CYP19A1: variants seen among roughly 807,000 people sequenced by gnomAD.
CYP19A1 encodes cytochrome P450 family 19 subfamily A member 1, also known as aromatase.
Under a neutral mutation model 44.4 loss-of-function variants are expected in CYP19A1, and 32 were observed. That is an observed-to-expected ratio of 0.72 (90% CI 0.54 to 0.97). CYP19A1 has a LOEUF of 0.97. CYP19A1 is among the 50% of genes least tolerant of loss of function. CYP19A1 has a pLI of 0.00. For missense variants in CYP19A1, 598 were observed against 637.8 expected (o/e 0.94, Z 0.67); for synonymous variants, 212 against 215.6 (o/e 0.98, Z 0.14).
intron 9 of CYP19A1, among the ~76,000 whole-genome samples, chr15:51,211,957 A>T (rs1387390257): frequency 1.3e-5 from 2 of 152,142 alleles, no homozygotes; most frequent in African/African-American, 4.8e-5. Context: ...CTTTGCTCAG[A>T]TGGTGCTATA....
At chr15:51,331,718 C>T (rs2036704761) in intron 1 of CYP19A1, among the ~76,000 whole-genome samples, 1 of 152,158 alleles carries the variant, frequency 6.6e-6, no homozygotes, top group South Asian at 2.1e-4. Context: ...TTAACACATA[C>T]TGGTTAGTGA....
At chr15:51,289,552 T>C (rs766784599) in intron 1 of CYP19A1, among the ~76,000 whole-genome samples, 51 of 152,148 alleles carry the variant, frequency 3.4e-4, no homozygotes, top group African/African-American at 1.1e-3. Flanking sequence ...GCTGGGTCCT[T>C]TGGGGCCTTC....
At chr15:51,299,139 A>T (rs2036061165) in intron 1 of CYP19A1, among the ~76,000 whole-genome samples, 1 of 152,152 alleles carries the variant, frequency 6.6e-6, no homozygotes, top group Non-Finnish European at 1.5e-5. Flanking sequence ...TCCATTGTTG[A>T]TGGGCATCTT....
At chr15:51,297,135 C>G (rs1235501706) in intron 1 of CYP19A1, among the ~76,000 whole-genome samples, 1 of 152,180 alleles carries the variant, frequency 6.6e-6, no homozygotes, top group East Asian at 1.9e-4. Flanking sequence ...TCGCGCAGCC[C>G]TAGGATCCCA....
At chr15:51,221,988 T>A (rs1041781389) in intron 5 of CYP19A1, 1 of 412,662 alleles carries the variant, frequency 2.4e-6, no homozygotes, top group Admixed American at 3.8e-5. Flanking sequence ...TATGTATATA[T>A]CATGCCCAAA....
intron 1 of CYP19A1, among the ~76,000 whole-genome samples, chr15:51,271,463 G>A (rs2035124919): frequency 1.3e-5 from 2 of 152,148 alleles, no homozygotes; most frequent in African/African-American, 4.8e-5. Flanking sequence ...GAGACCCAAC[G>A]TGTCTTGATT....
At chr15:51,325,306 G>A (rs2141025715) in intron 1 of CYP19A1, among the ~76,000 whole-genome samples, 1 of 152,218 alleles carries the variant, frequency 6.6e-6, no homozygotes, top group East Asian at 1.9e-4. Context: ...TCACTGGCAG[G>A]GTGTAGGAGT....
intron 1 of CYP19A1, among the ~76,000 whole-genome samples, chr15:51,270,846 C>T (rs2035097437): frequency 6.6e-6 from 1 of 152,188 alleles, no homozygotes; most frequent in Admixed American, 6.5e-5. Context: ...AGGCCCAAGT[C>T]TTTAGACCGA....
chr15:51,234,655 A>G (rs372126816), intron 3 of CYP19A1, among the ~76,000 whole-genome samples: 20 of 152,266 alleles, frequency 1.3e-4, no homozygotes, highest in Admixed American at 7.2e-4. Flanking sequence ...AGACAAAACC[A>G]GTCCTGCATC....
intron 1 of CYP19A1, chr15:51,319,097 C>T (rs1419720745): frequency 6.6e-6 from 1 of 152,246 alleles, no homozygotes; most frequent in South Asian, 2.1e-4. Context: ...CACACTATTC[C>T]TGTCTGGCAC....
At chr15:51,321,842 G>A (rs2036533019) in intron 1 of CYP19A1, 1 of 152,390 alleles carries the variant, frequency 6.6e-6, no homozygotes, top group Admixed American at 6.5e-5. Context: ...GCTGGACTAT[G>A]CTGGGAAGGG....
At chr15:51,240,224 C>T (rs2033671864) in intron 2 of CYP19A1, among the ~76,000 whole-genome samples, 1 of 152,126 alleles carries the variant, frequency 6.6e-6, no homozygotes, top group African/African-American at 2.4e-5. Flanking sequence ...TCTTTTCACA[C>T]ATCCTCCTGC....
intron 3 of CYP19A1, among the ~76,000 whole-genome samples, chr15:51,234,914 G>A (rs2033288045): frequency 6.6e-6 from 1 of 152,186 alleles, no homozygotes; most frequent in South Asian, 2.1e-4. Context: ...ATCCTGGGCA[G>A]CAGGTAGATA....
At chr15:51,234,318 G>A (rs549179459) in intron 3 of CYP19A1, among the ~76,000 whole-genome samples, 5 of 152,250 alleles carry the variant, frequency 3.3e-5, no homozygotes, top group South Asian at 4.1e-4. Flanking sequence ...TGAGAGGACA[G>A]GAAAAGGAAA....
At chr15:51,314,382 C>CT (rs1158220141) in intron 1 of CYP19A1, among the ~76,000 whole-genome samples, 1 of 152,098 alleles carries the variant, frequency 6.6e-6, no homozygotes, top group Non-Finnish European at 1.5e-5. Context: ...TCTGTGGAGT[C>CT]TCAGGCATGT....
chr15:51,222,508 G>T lies in CYP19A1; in HGVS notation c.469C>A (p.Leu157Ile), dbSNP rs764171142. ...GCACAGACTGTGACCATACGAACAA[G>T]GCCGGGGCCTGACAGAGCTGCAGAG... The part of the protein sequence containing the change: ...FFMKALSGPG[L>I]VRMVTVCAES... Residue 157 changes from leucine (L) to isoleucine (I), a missense_variant, in exon 5 of 10, where the codon CTT becomes ATT. Leu to Ile is a conservative substitution (Grantham distance 5). Transcript: ENST00000396402. The T allele has an allele frequency of 1.9e-6, 3 of 1,613,906 alleles. No individual in the cohort carries two copies. Among genetic ancestry groups the T allele is most frequent in the Admixed American group, 3.3e-5 (2 of 60,002 alleles).
intron 8 of CYP19A1, among the ~76,000 whole-genome samples, chr15:51,213,233 C>A (rs1320557493): frequency 6.6e-6 from 1 of 152,226 alleles, no homozygotes; most frequent in African/African-American, 2.4e-5. Flanking sequence ...TTCTCCCCAC[C>A]ACGACAAAAT....
intron 1 of CYP19A1, among the ~76,000 whole-genome samples, chr15:51,294,405 C>T (rs2035928799): frequency 6.7e-6 from 1 of 150,262 alleles, no homozygotes; most frequent in South Asian, 2.1e-4. Context: ...CCCGGCCGCC[C>T]CGTCTGAGAA....
intron 1 of CYP19A1, chr15:51,278,964 T>G (rs1169464214): frequency 6.6e-6 from 1 of 152,206 alleles, no homozygotes; most frequent in African/African-American, 2.4e-5. Context: ...TAAGATTTAA[T>G]GGAATAGTGG....
Sources: gnomAD v4.1 joint callset for allele counts (sites outside exome capture counted in the v4.1 genomes callset) on GRCh38, gnomAD v4.1.1 for gene constraint, MANE v1.5 for transcripts, NCBI Gene and HGNC (gene_info 2026-07-23, HGNC 2026-07-21) for gene names.